Variants in DCAF6 observed in about 807,000 individuals in gnomAD.
The protein encoded by DCAF6 is DDB1- and CUL4-associated factor 6.
In DCAF6, 54 loss-of-function variants were observed where a neutral mutation model predicts 125.1. The observed-to-expected ratio is 0.43, with a 90% CI of 0.35 to 0.54. The LOEUF (loss-of-function observed/expected upper bound fraction) is 0.54. Among genes scored for constraint, DCAF6 ranks in the 20% least tolerant of loss-of-function variants. The pLI, the probability that DCAF6 is intolerant of heterozygous loss-of-function variation, is 0.01. For missense variants in DCAF6, 934 were observed against 1,161.7 expected, an observed-to-expected ratio of 0.80 and a Z score of 2.85; for synonymous variants, 371 against 390.4, an observed-to-expected ratio of 0.95 and a Z score of 0.58.
chr1:167,878,584 C>T, the DCAF6 span: 1 of 1,614,126 alleles, frequency 6.2e-7, no homozygotes, highest in Admixed American at 1.7e-5. Context: ...GGTCACAATT[C>T]CTGGGTAGTA....
chr1:168,052,936 ATATTATAGCTGC>A (rs1228285675), intron 17 of DCAF6, among the ~76,000 whole-genome samples: 1 of 152,206 alleles, frequency 6.6e-6, no homozygotes, highest in African/African-American at 2.4e-5. Flanking sequence ...AGGGCACTTC[ATATTATAGCTGC>A]TGCCAAAAAT....
At chr1:167,864,328 C>T in the DCAF6 span, among the ~76,000 whole-genome samples, 3 of 152,114 alleles carry the variant, frequency 2.0e-5, no homozygotes, top group Non-Finnish European at 4.4e-5. Context: ...AGGGAGATTA[C>T]GGTGTTACTA....
chr1:168,030,168 A>C (rs1686882197), intron 12 of DCAF6, among the ~76,000 whole-genome samples: 1 of 152,152 alleles, frequency 6.6e-6, no homozygotes, highest in South Asian at 2.1e-4. Flanking sequence ...GAAAGGGGAA[A>C]TAGCAGGGTT....
In DCAF6 at chr1:167,974,868, A is replaced by G; in HGVS notation, c.291A>G (p.Ile97Met). Reference protein sequence around the residue: ...TTIRSGHRANIFSAKFLPCTN... With the variant: ...TTIRSGHRANMFSAKFLPCTN... ...TTCGTTCAGGGCACCGAGCAAACAT[A>G]TTTAGTGCAAAGTTCTTACCTTGTA... is the stretch of plus-strand genomic sequence containing the variant. Residue 97 changes from isoleucine to methionine, a missense_variant, in exon 4 of 22, where the codon ATA becomes ATG. Ile to Met is a conservative substitution (Grantham distance 10). This residue lies in a region of DCAF6 where 309 missense variants were observed against 381.2 expected (regional missense o/e 0.81). Transcript: ENST00000367840. 1 of 1,583,102 alleles carries G rather than the reference A, an allele frequency of 6.3e-7. No homozygotes were observed. Among genetic ancestry groups the G allele is most frequent in the Non-Finnish European group, 8.6e-7 (1 of 1,165,254 alleles).
At chr1:167,943,591 A>G (rs1487857094) in intron 1 of DCAF6, among the ~76,000 whole-genome samples, 1 of 152,214 alleles carries the variant, frequency 6.6e-6, no homozygotes, top group African/African-American at 2.4e-5. Flanking sequence ...TGCTGCAGTC[A>G]AGTGAGGGCT....
the DCAF6 span, chr1:167,870,278 A>C: frequency 1.2e-6 from 2 of 1,613,976 alleles, no homozygotes; most frequent in Non-Finnish European, 1.7e-6. Context: ...ACCTTGGGCC[A>C]GGTACTCAAT....
intron 4 of DCAF6, among the ~76,000 whole-genome samples, chr1:167,986,560 G>C (rs1344780262): frequency 2.0e-5 from 3 of 152,204 alleles, no homozygotes; most frequent in Non-Finnish European, 4.4e-5. Flanking sequence ...TCCATGGAGT[G>C]GGGATGGTTT....
intron 2 of DCAF6, among the ~76,000 whole-genome samples, chr1:167,955,370 C>T (rs966837854): frequency 6.6e-5 from 10 of 151,698 alleles, no homozygotes; most frequent in South Asian, 4.2e-4. Context: ...ATCGTTGTAC[C>T]GTTTAACATT....
chr1:168,009,393 T>TTCTC lies in DCAF6; in HGVS notation c.1378+4603_1378+4604insCTCT, dbSNP rs1263541323. Among the ~76,000 whole-genome samples, 74 of 142,802 alleles carry TTCTC rather than the reference T, an allele frequency of 5.2e-4. 1 individual carries two copies. The South Asian group carries it at 0.015, about 29-fold the overall frequency. 93.7% of individuals were successfully genotyped at this position (142,802 alleles called of 152,430 possible). A position where few individuals can be genotyped will look rare whatever the true frequency, so the allele number is the denominator to read the frequency against. ...TTCCTTCCTTCCTTCCTTCCTTTCT[T>TTCTC]TCTTTCTTTCTCTCTCTCTCTTTTG... On this transcript the variant is annotated intron_variant, in intron 10 of 21. Coordinates refer to ENST00000367840, the MANE Select transcript of DCAF6 (RefSeq NM_001198956.2).
chr1:167,921,453 C>T, the DCAF6 span, among the ~76,000 whole-genome samples: 6 of 152,178 alleles, frequency 3.9e-5, no homozygotes, highest in South Asian at 2.1e-4. Flanking sequence ...AACTCCTGAC[C>T]GCAGGTGATC....
chr1:167,989,040 A>C (rs1680433461), intron 5 of DCAF6, among the ~76,000 whole-genome samples: 1 of 152,178 alleles, frequency 6.6e-6, no homozygotes, highest in Non-Finnish European at 1.5e-5. Context: ...AGATCACACC[A>C]CTGCACTCCA....
the DCAF6 span, among the ~76,000 whole-genome samples, chr1:167,926,326 G>A: frequency 6.6e-6 from 1 of 152,116 alleles, no homozygotes; most frequent in African/African-American, 2.4e-5. Flanking sequence ...CTGTTATCCA[G>A]TTCTCTAAGC....
chr1:167,898,254 C>T, the DCAF6 span, among the ~76,000 whole-genome samples: 1 of 151,846 alleles, frequency 6.6e-6, no homozygotes, highest in Non-Finnish European at 1.5e-5. Flanking sequence ...TTCAACTTTT[C>T]TGTAAGTCTA....
chr1:167,924,110 C>A, the DCAF6 span, among the ~76,000 whole-genome samples: 1 of 152,166 alleles, frequency 6.6e-6, no homozygotes, highest in African/African-American at 2.4e-5. Flanking sequence ...TTGAGAGTAA[C>A]TTTCCTCACC....
chr1:167,903,580 A>T, the DCAF6 span, among the ~76,000 whole-genome samples: 4 of 152,162 alleles, frequency 2.6e-5, no homozygotes, highest in Admixed American at 1.3e-4. Context: ...AATAAATAAA[A>T]ATAAATATAA....
chr1:168,037,496 C>T (rs544172123), intron 12 of DCAF6, among the ~76,000 whole-genome samples: 198 of 152,172 alleles, frequency 1.3e-3, no homozygotes, highest in Non-Finnish European at 2.2e-3. Flanking sequence ...TAATGTTTCC[C>T]AAACTGTTGT....
intron 21 of DCAF6, among the ~76,000 whole-genome samples, chr1:168,073,639 A>G (rs1470485215): frequency 2.0e-5 from 3 of 152,072 alleles, no homozygotes; most frequent in African/African-American, 7.2e-5. Flanking sequence ...TGTGACAACC[A>G]AAAGAAATTT....
chr1:168,017,493 G>A (rs1685139531), intron 11 of DCAF6, among the ~76,000 whole-genome samples: 1 of 152,064 alleles, frequency 6.6e-6, no homozygotes, highest in Non-Finnish European at 1.5e-5. Context: ...TCACGGATTT[G>A]AATTGAAGCA....
chr1:167,877,667 C>T, the DCAF6 span, among the ~76,000 whole-genome samples: 1 of 151,922 alleles, frequency 6.6e-6, no homozygotes, highest in Non-Finnish European at 1.5e-5. Context: ...AAGGAGTGTT[C>T]TAATAGAAGC....
Sources: gnomAD v4.1 joint callset for allele counts (sites outside exome capture counted in the v4.1 genomes callset) on GRCh38, gnomAD v4.1.1 for gene constraint, gnomAD v4.1.1 regional missense constraint, MANE v1.5 for transcripts, NCBI Gene and HGNC (gene_info 2026-07-23, HGNC 2026-07-21) for gene names.